The following SNX25 variants were observed in gnomAD, a reference collection of about 807,000 sequenced individuals.
The protein encoded by SNX25 is sorting nexin-25.
SNX25 carries 62 observed loss-of-function variants against 113.7 expected under a neutral mutation model. That is an observed-to-expected ratio of 0.55 (90% confidence interval 0.44 to 0.67). SNX25 has a LOEUF of 0.67. Among genes scored for constraint, SNX25 ranks in the 30% least tolerant of loss-of-function variants. The pLI, the probability that SNX25 is intolerant of heterozygous loss-of-function variation, is 0.00. For synonymous variants in SNX25, 421 were observed against 436.2 expected, an observed-to-expected ratio of 0.97 and a Z score of 0.43; for missense variants, 1,014 against 1,161.0, an observed-to-expected ratio of 0.87 and a Z score of 1.84.
chr4:185,243,591 G>A (rs1412215380), intron 1 of SNX25, among the ~76,000 whole-genome samples: 1 of 152,084 alleles, frequency 6.6e-6, no homozygotes, highest in Non-Finnish European at 1.5e-5. Flanking sequence ...GGCACAGTGA[G>A]ACCCTATCAA....
chr4:185,267,575 A>T (rs1425064774), intron 5 of SNX25, among the ~76,000 whole-genome samples: 1 of 152,056 alleles, frequency 6.6e-6, no homozygotes, highest in African/African-American at 2.4e-5. Flanking sequence ...TACTAAAAAT[A>T]CAAAAATCAG....
intron 5 of SNX25, among the ~76,000 whole-genome samples, chr4:185,268,777 G>C (rs895537619): frequency 6.6e-6 from 1 of 152,124 alleles, no homozygotes; most frequent in South Asian, 2.1e-4. Context: ...CTTATACATG[G>C]TGTCATGTGT....
chr4:185,279,772 GT>G (rs1750294920), intron 5 of SNX25, among the ~76,000 whole-genome samples: 1 of 152,154 alleles, frequency 6.6e-6, no homozygotes, highest in Non-Finnish European at 1.5e-5. Flanking sequence ...ATTTTGTAGT[GT>G]GGAAATGGGC....
intron 3 of SNX25, among the ~76,000 whole-genome samples, chr4:185,262,465 G>A (rs569729815): frequency 5.3e-5 from 8 of 152,210 alleles, no homozygotes; most frequent in Non-Finnish European, 7.4e-5. Context: ...GTTTTTATTC[G>A]TGTGTTTTCC....
rs1443465736 is a variant in SNX25, at chr4:185,226,776, TA to T, written c.429+16522del. On this transcript the variant is annotated intron_variant, in intron 1 of 18. Transcript: ENST00000652585. The stretch of plus-strand genomic sequence containing the variant: ...TTGGAAAAACTAATTCTTAAAGCTT[TA>T]CAACATGTGTTATTAAATTAACATT... Among the ~76,000 whole-genome samples the T allele has an allele frequency of 2.0e-5, 3 of 152,252 alleles. No individual in the cohort carries two copies. In the South Asian group the frequency reaches 6.2e-4, roughly 32 times the overall value.
downstream of SNX25, chr4:185,366,238 G>A (rs183040708): frequency 1.3e-4 from 20 of 152,282 alleles, no homozygotes; most frequent in East Asian, 3.9e-3. Flanking sequence ...TATACGGAAA[G>A]CCTTTTGCTA....
intron 9 of SNX25, among the ~76,000 whole-genome samples, chr4:185,324,825 C>T (rs115878544): frequency 0.014 from 2,104 of 152,242 alleles, 49 homozygotes; most frequent in African/African-American, 0.048. Context: ...CAGCGTGTTC[C>T]TTCTGGCTAC....
At chr4:185,323,465 G>A (rs2095135215) in intron 8 of SNX25, 63 bp from the exon 9 acceptor site, 1 of 1,486,806 alleles carries the variant, frequency 6.7e-7, no homozygotes, top group Non-Finnish European at 9.1e-7. Context: ...AAATAATTCA[G>A]AGAAAAATAA....
intron 1 of SNX25, among the ~76,000 whole-genome samples, chr4:185,219,119 T>G (rs1276699810): frequency 6.6e-6 from 1 of 152,152 alleles, no homozygotes; most frequent in Non-Finnish European, 1.5e-5. Context: ...ACGTTCCCTG[T>G]TGGGGTACTC....
Position 185,258,988 on chromosome 4 carries a change from G to T in SNX25, c.655G>T (p.Val219Leu). 14 of 1,614,214 alleles carry T rather than the reference G, an allele frequency of 8.7e-6. No individual in the cohort carries two copies. Among genetic ancestry groups the T allele is most frequent in the Non-Finnish European group, 1.2e-5 (14 of 1,180,026 alleles). Residue 219 changes from valine to leucine, a missense_variant, in exon 3 of 19, where the codon GTG (valine) becomes TTG (leucine). Coordinates refer to ENST00000652585, the MANE Select transcript of SNX25 (RefSeq NM_001378034.2). ...GCACCACAGACTGAGTCACGTGGAT[G>T]TGGTTAAAGTTGTCTGCAATGATGT... ...QLHHRLSHVD[V>L]VKVVCNDVVR...
intron 5 of SNX25, among the ~76,000 whole-genome samples, chr4:185,274,384 T>C (rs1749373865): frequency 6.6e-6 from 1 of 152,198 alleles, no homozygotes; most frequent in African/African-American, 2.4e-5. Context: ...TTAAGGACCT[T>C]TCTGGAAACT....
chr4:185,217,075 G>C (rs1738968701), intron 1 of SNX25, among the ~76,000 whole-genome samples: 1 of 152,172 alleles, frequency 6.6e-6, no homozygotes. Context: ...GAGCCCAGGA[G>C]TGATAGCATC....
At chr4:185,329,864 G>A (rs1561020171) in intron 9 of SNX25, among the ~76,000 whole-genome samples, 1 of 151,950 alleles carries the variant, frequency 6.6e-6, no homozygotes, top group South Asian at 2.1e-4. Flanking sequence ...TCTTCCTCAC[G>A]CAAATCACTC....
intron 1 of SNX25, among the ~76,000 whole-genome samples, chr4:185,222,553 G>A (rs182527822): frequency 7.9e-5 from 12 of 152,248 alleles, no homozygotes; most frequent in Admixed American, 2.6e-4. Flanking sequence ...CCCCTTCGTG[G>A]TAGCTATACA....
downstream of SNX25, chr4:185,372,937 C>T (rs745629035): frequency 2.5e-6 from 4 of 1,613,822 alleles, no homozygotes; most frequent in East Asian, 8.9e-5. Flanking sequence ...ATAGACGTTT[C>T]CGCGTTCTGC....
At chr4:185,265,052 G>C (rs1194511826) in intron 4 of SNX25, among the ~76,000 whole-genome samples, 1 of 151,160 alleles carries the variant, frequency 6.6e-6, no homozygotes, top group Non-Finnish European at 1.5e-5. Context: ...GGCAAGTCTT[G>C]AACTCCTGGG....
At position 185,341,991 on chromosome 4, in the gene SNX25, G is replaced by C. The variant is rs1037421603; in HGVS notation, c.2062G>C (p.Gly688Arg). 7.5e-6 allele frequency: 12 copies of C among 1,601,704 alleles called. No individual in the cohort carries two copies. The Middle Eastern group carries it at 5.0e-4, about 66-fold the overall frequency. ...ITSGEVTEENGEQLPCYFVMV... is the reference protein window; with the variant it reads ...ITSGEVTEENREQLPCYFVMV... ...TTTCCCCAAGGTTACAGAAGAGAAT[G>C]GTGAGCAATTGCCATGTTACTTTGT... The change falls in exon 12 of 19, where the codon GGT (glycine) becomes CGT (arginine). Residue 688 changes from glycine (G) to arginine (R), a missense_variant. Gly to Arg is a moderately radical substitution (Grantham distance 125). Coordinates refer to ENST00000652585, the MANE Select transcript of SNX25 (RefSeq NM_001378034.2).
At chr4:185,294,906 T>C (rs1242052225) in intron 6 of SNX25, among the ~76,000 whole-genome samples, 1 of 152,170 alleles carries the variant, frequency 6.6e-6, no homozygotes, top group Non-Finnish European at 1.5e-5. Context: ...TAGTAACTTA[T>C]TGGATGTTAC....
intron 13 of SNX25, among the ~76,000 whole-genome samples, chr4:185,350,300 C>T (rs143256265): frequency 1.3e-5 from 2 of 152,302 alleles, no homozygotes; most frequent in Non-Finnish European, 2.9e-5. Flanking sequence ...CTTCCACCTC[C>T]CCCACACTCT....
Sources: allele counts gnomAD v4.1 joint callset (sites outside exome capture counted in the v4.1 genomes callset), GRCh38; gene constraint gnomAD v4.1.1; transcripts MANE v1.5; gene names NCBI Gene and HGNC (gene_info 2026-07-23, HGNC 2026-07-21).